SPATA13: variants seen among roughly 807,000 people sequenced by gnomAD.
SPATA13 encodes the protein spermatogenesis-associated protein 13.
SPATA13 carries 50 observed loss-of-function variants against 104.0 expected under a neutral mutation model. The observed-to-expected ratio is 0.48, with a 90% confidence interval of 0.38 to 0.61. SPATA13 has a LOEUF of 0.61. SPATA13 is among the 20% of genes least tolerant of loss of function. The probability of loss-of-function intolerance (pLI) is 0.00; values close to 1 mark genes in which losing one functional copy is unlikely to be tolerated. For synonymous variants in SPATA13, 606 were observed against 667.5 expected, an observed-to-expected ratio of 0.91 and a Z score of 1.42; for missense variants, 1,524 against 1,690.6, an observed-to-expected ratio of 0.90 and a Z score of 1.73.
chr13:24,229,633 A>G (rs1276429917), intron 2 of SPATA13, among the ~76,000 whole-genome samples: 2 of 152,148 alleles, frequency 1.3e-5, no homozygotes, highest in Admixed American at 6.5e-5. Flanking sequence ...CTCTTTTTCA[A>G]TATAACACTG....
intron 1 of SPATA13, among the ~76,000 whole-genome samples, chr13:24,215,792 A>G (rs1871234154): frequency 6.6e-6 from 1 of 152,106 alleles, no homozygotes; most frequent in Admixed American, 6.5e-5. Context: ...CCAAGCAGAG[A>G]CATTGTTTTT....
At chr13:23,999,610 T>TC (rs34624030) in intron 2 of SPATA13, among the ~76,000 whole-genome samples, 116,196 of 151,910 alleles carry the variant, frequency 0.76, 44,613 homozygotes, top group African/African-American at 0.8. Flanking sequence ...GGTGGATTCT[T>TC]CTGCCTGAGC....
At position 24,223,256 on chromosome 13, in the gene SPATA13, G is replaced by A. The variant is rs969276903; in HGVS notation, c.327G>A (p.Arg109=). 1.2e-5 allele frequency: 18 copies of A among 1,551,590 alleles called. No homozygotes were observed. Among genetic ancestry groups the A allele is most frequent in the Admixed American group, 3.9e-5 (2 of 50,992 alleles). The change falls in exon 2 of 13, where the codon CGG becomes CGA. Residue 109 remains arginine, a synonymous_variant. Transcript: ENST00000382108. ...SSTWNTLASF[R]KMGSFKKLKS... is the part of the protein sequence containing the mutation. ...CATGGAACACCCTCGCCTCCTTCCG[G>A]AAAATGGGATCCTTTAAGAAACTGA...
chr13:24,193,102 G>A (rs1336776764), intron 1 of SPATA13, among the ~76,000 whole-genome samples: 2 of 152,218 alleles, frequency 1.3e-5, no homozygotes, highest in Non-Finnish European at 2.9e-5. Context: ...GAGCCACTGA[G>A]CATTGTTGAG....
At chr13:24,044,707 A>T (rs1213896366) in intron 3 of SPATA13, among the ~76,000 whole-genome samples, 2 of 152,086 alleles carry the variant, frequency 1.3e-5, no homozygotes, top group African/African-American at 4.8e-5. Context: ...GTTATTTTGA[A>T]ATATACAGTA....
Position 24,098,370 on chromosome 13 carries a change from C to G in SPATA13, c.-112+80669C>G, listed in dbSNP as rs575497506. 2.6e-5 allele frequency among the ~76,000 whole-genome samples: 4 copies of G among 151,818 alleles called. No homozygotes were observed. In the South Asian group the frequency reaches 8.3e-4, roughly 32 times the overall value. ...CCCAGGAATTCAAAGTCAGCCCGGG[C>G]AAGACCCCTTCTATTAAAAAAATAA... On this transcript the variant is annotated intron_variant, in intron 3 of 14. Transcript: ENST00000424834.
At chr13:24,049,139 C>G (rs1160369928) in intron 3 of SPATA13, among the ~76,000 whole-genome samples, 1 of 152,212 alleles carries the variant, frequency 6.6e-6, no homozygotes, top group African/African-American at 2.4e-5. Context: ...TATTGATTCT[C>G]CAGTTGTTTT....
chr13:24,239,518 A>G lies in SPATA13; in HGVS notation c.1654-9959A>G, dbSNP rs117949293. On this transcript the variant is annotated intron_variant, in intron 2 of 12. Transcript: ENST00000382108. ...AAGACCAGCTTGGGCAACATGGCGA[A>G]ACTCTGTCTCTGCTAAAACTAGACA... Among the ~76,000 whole-genome samples the G allele has an allele frequency of 4.6e-3, 704 of 151,902 alleles. 43 individuals carry two copies. In the East Asian group the frequency reaches 0.11, roughly 25 times the overall value.
intron 2 of SPATA13, among the ~76,000 whole-genome samples, chr13:24,229,480 A>G (rs878969488): frequency 6.6e-6 from 1 of 152,224 alleles, no homozygotes; most frequent in South Asian, 2.1e-4. Flanking sequence ...GGTAAGAGCC[A>G]GTGAAATTAT....
At chr13:24,110,612 C>G (rs916276595) in intron 3 of SPATA13, among the ~76,000 whole-genome samples, 2 of 152,162 alleles carry the variant, frequency 1.3e-5, no homozygotes, top group African/African-American at 4.8e-5. Context: ...ATTCATCAAA[C>G]CTTGAGCAAA....
At chr13:23,999,390 G>A (rs1434271711) in intron 2 of SPATA13, among the ~76,000 whole-genome samples, 655 of 35,200 alleles carry the variant, frequency 0.019, no homozygotes, top group Middle Eastern at 0.032. Context: ...AAAAAAAAAA[G>A]CCTGTTCGGA....
chr13:24,000,089 G>C (rs1293631011), intron 2 of SPATA13, among the ~76,000 whole-genome samples: 1 of 152,228 alleles, frequency 6.6e-6, no homozygotes, highest in Non-Finnish European at 1.5e-5. Flanking sequence ...TCACACCGAG[G>C]ATGGTGAGGT....
intron 1 of SPATA13, among the ~76,000 whole-genome samples, chr13:24,202,478 G>A (rs1020484527): frequency 2.0e-5 from 3 of 150,024 alleles, no homozygotes; most frequent in Admixed American, 6.6e-5. Context: ...CAGGTTGGAT[G>A]CCAGTGTTGG....
chr13:24,234,472 C>G (rs1872463699), intron 2 of SPATA13, among the ~76,000 whole-genome samples: 1 of 152,154 alleles, frequency 6.6e-6, no homozygotes, highest in Non-Finnish European at 1.5e-5. Context: ...AGATCAAAGG[C>G]CACCCAGGGT....
At chr13:24,065,485 C>A (rs1878922607) in intron 3 of SPATA13, among the ~76,000 whole-genome samples, 1 of 152,176 alleles carries the variant, frequency 6.6e-6, no homozygotes, top group African/African-American at 2.4e-5. Context: ...CTCAGTCTTA[C>A]TTTTGAGCAA....
At chr13:24,115,631 G>A (rs1211134761) in intron 3 of SPATA13, among the ~76,000 whole-genome samples, 1 of 152,210 alleles carries the variant, frequency 6.6e-6, no homozygotes, top group Non-Finnish European at 1.5e-5. Context: ...GTGCCAAAAA[G>A]GTTGGAGACT....
Position 24,223,635 on chromosome 13 carries a change from G to A in SPATA13, c.706G>A (p.Glu236Lys), listed in dbSNP as rs1365118779. 1 of 1,551,908 alleles carries A rather than the reference G, an allele frequency of 6.4e-7. No homozygotes were observed. The highest frequency in any genetic ancestry group is 8.7e-7 in the Non-Finnish European group (1 of 1,147,110). Residue 236 changes from glutamate to lysine, a missense_variant, in exon 2 of 13, where the codon GAG becomes AAG. Around this residue, in one of 2 missense-constraint regions of SPATA13, gnomAD observed 1,089 missense variants for 1,135.9 expected, o/e 0.96. Coordinates refer to ENST00000382108, the MANE Select transcript of SPATA13 (RefSeq NM_001166271.3). Reference protein sequence around the residue: ...IATGQVPAVCEILVRDPENNS... With the variant: ...IATGQVPAVCKILVRDPENNS... ...CACTGGCCAGGTGCCCGCCGTGTGT[G>A]AGATTCTCGTGAGGGACCCTGAAAA...
At chr13:24,050,213 T>C (rs1052294884) in intron 3 of SPATA13, among the ~76,000 whole-genome samples, 6 of 152,168 alleles carry the variant, frequency 3.9e-5, no homozygotes, top group African/African-American at 1.4e-4. Flanking sequence ...ACAGTATTGA[T>C]AATGGCCATG....
At chr13:24,129,571 C>A (rs1881330928) in intron 3 of SPATA13, among the ~76,000 whole-genome samples, 1 of 152,194 alleles carries the variant, frequency 6.6e-6, no homozygotes, top group Non-Finnish European at 1.5e-5. Context: ...GGCTGAATCA[C>A]CTGGCTGGTG....
Sources: gnomAD v4.1 joint callset for allele counts (sites outside exome capture counted in the v4.1 genomes callset) on GRCh38, gnomAD v4.1.1 for gene constraint, gnomAD v4.1.1 regional missense constraint, MANE v1.5 for transcripts, NCBI Gene and HGNC (gene_info 2026-07-23, HGNC 2026-07-21) for gene names.